The following AK5 variants were observed in gnomAD, a reference collection of about 807,000 sequenced individuals.
The protein encoded by AK5 is adenylate kinase isoenzyme 5.
A neutral mutation model predicts 69.5 loss-of-function variants in AK5; 27 were observed. That is an observed-to-expected ratio of 0.39 (90% CI 0.29 to 0.54). The LOEUF is 0.54. Among genes scored for constraint, AK5 ranks in the 20% least tolerant of loss-of-function variants. The probability of loss-of-function intolerance (pLI) is 0.71; values close to 1 mark genes in which losing one functional copy is unlikely to be tolerated. For synonymous variants in AK5, 260 were observed against 244.4 expected (o/e 1.06, Z -0.60); for missense variants, 531 against 700.4 (o/e 0.76, Z 2.73).
intron 5 of AK5, among the ~76,000 whole-genome samples, chr1:77,317,905 C>T (rs564494916): frequency 2.1e-4 from 32 of 152,282 alleles, no homozygotes; most frequent in Admixed American, 8.5e-4. Context: ...AAATCAGCAA[C>T]TTTTAGTAAC....
In AK5 at chr1:77,391,404, T is replaced by TAC. The variant is rs1395406454; in HGVS notation, c.892-19569_892-19568dup. ...GCAAAAAAAAAAATATATATATATA[T>TAC]ACACACACATATATATGTATATATA... On this transcript the variant is annotated intron_variant, in intron 6 of 13. Transcript: ENST00000354567. Among the ~76,000 whole-genome samples the TAC allele has an allele frequency of 1.4e-4, 20 of 141,508 alleles. No individual in the cohort carries two copies. The South Asian group carries it at 1.8e-3, about 13-fold the overall frequency. 92.8% of individuals were successfully genotyped at this position (141,508 alleles called of 152,430 possible).
intron 8 of AK5, among the ~76,000 whole-genome samples, chr1:77,459,179 T>C (rs1046975203): frequency 3.4e-4 from 52 of 152,268 alleles, no homozygotes; most frequent in African/African-American, 1.2e-3. Context: ...GACTCAGACA[T>C]CTTATTTTTA....
At chr1:77,335,390 T>C (rs1466898321) in intron 5 of AK5, among the ~76,000 whole-genome samples, 1 of 151,842 alleles carries the variant, frequency 6.6e-6, no homozygotes, top group African/African-American at 2.4e-5. Flanking sequence ...TTGGGTTTTT[T>C]TTTTTTTTTG....
intron 6 of AK5, among the ~76,000 whole-genome samples, chr1:77,390,356 TA>T (rs912222354): frequency 1.3e-5 from 2 of 152,242 alleles, no homozygotes; most frequent in African/African-American, 4.8e-5. Context: ...AAGTTTTTAC[TA>T]GAGCACATAT....
chr1:77,316,550 A>G (rs970597916), intron 5 of AK5, among the ~76,000 whole-genome samples: 1 of 152,176 alleles, frequency 6.6e-6, no homozygotes, highest in Non-Finnish European at 1.5e-5. Flanking sequence ...TAGTGAATTG[A>G]TTTGACAAAC....
At chr1:77,290,359 T>A (rs17100198) in intron 2 of AK5, among the ~76,000 whole-genome samples, 15,355 of 152,226 alleles carry the variant, frequency 0.1, 964 homozygotes, top group East Asian at 0.2. Context: ...AGCATACTGA[T>A]TATTTCTAGA....
intron 13 of AK5, among the ~76,000 whole-genome samples, chr1:77,553,142 G>A (rs1278590398): frequency 6.6e-6 from 1 of 152,184 alleles, no homozygotes; most frequent in Admixed American, 6.5e-5. Context: ...TGGAAAGAAG[G>A]TAAATTTGGA....
At chr1:77,315,667 A>G (rs1473238094) in intron 5 of AK5, among the ~76,000 whole-genome samples, 4 of 152,194 alleles carry the variant, frequency 2.6e-5, no homozygotes, top group Non-Finnish European at 5.9e-5. Flanking sequence ...AATAAAATGT[A>G]TCACAAAATA....
At chr1:77,533,879 C>G (rs752243484) in intron 12 of AK5, among the ~76,000 whole-genome samples, 1 of 152,018 alleles carries the variant, frequency 6.6e-6, no homozygotes, top group Non-Finnish European at 1.5e-5. Flanking sequence ...CAAGCTCGCC[C>G]TCTGCTGGTG....
Position 77,559,317 on chromosome 1 carries a change from A to G in AK5, c.*647A>G, listed in dbSNP as rs1057025886. The stretch of plus-strand genomic sequence containing the variant: ...GGTAAAACCCAGGTTAGTCATCAGT[A>G]ACCTTCTCTATTATTATTATTTTTT... On this transcript the variant is annotated 3_prime_UTR_variant, in exon 14 of 14. Coordinates refer to ENST00000354567, the MANE Select transcript of AK5 (RefSeq NM_174858.3). 3.3e-5 allele frequency: 5 copies of G among 152,144 alleles called. No homozygotes were observed. The highest frequency in any genetic ancestry group is 4.4e-5 in the Non-Finnish European group (3 of 68,012). The allele number at this position is 152,144 out of a possible 1,614,324, so 9.4% of individuals were successfully genotyped here.
intron 12 of AK5, among the ~76,000 whole-genome samples, chr1:77,533,114 G>C (rs887286840): frequency 1.3e-5 from 2 of 152,152 alleles, no homozygotes. Flanking sequence ...CTGATTCCAG[G>C]AGAGAGAGGT....
intron 6 of AK5, among the ~76,000 whole-genome samples, chr1:77,346,670 G>A (rs1053794107): frequency 2.6e-5 from 4 of 151,872 alleles, no homozygotes; most frequent in East Asian, 1.9e-4. Context: ...CTAATTTTTC[G>A]TATGTTTTGT....
intron 8 of AK5, among the ~76,000 whole-genome samples, chr1:77,448,775 G>A (rs1052600583): frequency 2.0e-5 from 3 of 152,192 alleles, no homozygotes; most frequent in African/African-American, 7.2e-5. Context: ...CCAGACTTAG[G>A]AACTCCCTGA....
chr1:77,411,244 A>G (rs750569555), intron 7 of AK5, among the ~76,000 whole-genome samples, 173 bp downstream of exon 7: 1 of 152,232 alleles, frequency 6.6e-6, no homozygotes, highest in Non-Finnish European at 1.5e-5. Flanking sequence ...AGGAAAGGCT[A>G]TAAATCTGTT....
intron 13 of AK5, among the ~76,000 whole-genome samples, chr1:77,548,684 C>G (rs994318240): frequency 2.0e-5 from 3 of 152,102 alleles, no homozygotes; most frequent in African/African-American, 7.2e-5. Flanking sequence ...AATGTTTGGA[C>G]CAGCCAACTG....
chr1:77,360,311 A>C (rs17100440), intron 6 of AK5, among the ~76,000 whole-genome samples: 9,179 of 152,294 alleles, frequency 0.06, 450 homozygotes, highest in East Asian at 0.2. Flanking sequence ...TGCTAAATTT[A>C]AAATGTTCCA....
At chr1:77,372,990 C>G (rs944372047) in intron 6 of AK5, among the ~76,000 whole-genome samples, 1 of 152,150 alleles carries the variant, frequency 6.6e-6, no homozygotes, top group African/African-American at 2.4e-5. Context: ...AAGTTTTTAA[C>G]CATTATAAAA....
intron 5 of AK5, among the ~76,000 whole-genome samples, chr1:77,339,403 A>G (rs1199381495): frequency 6.6e-6 from 1 of 152,204 alleles, no homozygotes; most frequent in Non-Finnish European, 1.5e-5. Flanking sequence ...TTTACTTCAT[A>G]GGTTCTTTTC....
intron 5 of AK5, among the ~76,000 whole-genome samples, chr1:77,304,410 C>CT (rs59515509): frequency 0.67 from 94,957 of 141,898 alleles, 31,976 homozygotes; most frequent in East Asian, 0.84. Context: ...CTTTTCTTTT[C>CT]TTTTTTTTTT....
Sources: gnomAD v4.1 joint callset for allele counts (sites outside exome capture counted in the v4.1 genomes callset) on GRCh38, gnomAD v4.1.1 for gene constraint, MANE v1.5 for transcripts, NCBI Gene and HGNC (gene_info 2026-07-23, HGNC 2026-07-21) for gene names.